Variants in ZC2HC1B observed in about 807,000 individuals in gnomAD.
The protein encoded by ZC2HC1B is zinc finger C2HC domain-containing protein 1B.
In ZC2HC1B, 36 loss-of-function variants were observed where a neutral mutation model predicts 31.0. That is an observed-to-expected ratio of 1.16 (90% CI 0.89 to 1.54). ZC2HC1B has a LOEUF of 1.54. ZC2HC1B is among the 40% of genes most tolerant of loss of function. The pLI is 0.00. For missense variants in ZC2HC1B, 260 were observed against 268.6 expected (o/e 0.97, Z 0.22); for synonymous variants, 73 against 88.0 (o/e 0.83, Z 0.95).
intron 5 of ZC2HC1B, among the ~76,000 whole-genome samples, chr6:143,898,897 A>G (rs1369881665): frequency 6.6e-6 from 1 of 152,222 alleles, no homozygotes; most frequent in Non-Finnish European, 1.5e-5. Context: ...TGTAGAAAAA[A>G]ATATTTCTAA....
At chr6:143,916,214 A>G (rs1777915247) in intron 6 of ZC2HC1B, among the ~76,000 whole-genome samples, 1 of 152,244 alleles carries the variant, frequency 6.6e-6, no homozygotes, top group South Asian at 2.1e-4. Flanking sequence ...CAGAGGGTGG[A>G]AGCCCCAAGC....
rs939798872 is a variant in ZC2HC1B at position 143,924,751 on chromosome 6, C to G, written c.599-12898C>G. ...TTGAATTTTATAAAATTCCTTTTCT[C>G]TGTCTCTTGAAATGATCATATTGTT... On this transcript the variant is annotated intron_variant, in intron 6 of 7. Coordinates refer to ENST00000237275, the MANE Select transcript of ZC2HC1B (RefSeq NM_001013623.3). This position sits in a 1 kb window ranked among gnomAD's most constrained non-coding sequence, Gnocchi z 5.2. 4.6e-5 allele frequency among the ~76,000 whole-genome samples: 7 copies of G among 152,116 alleles called. No individual in the cohort carries two copies. The highest frequency in any genetic ancestry group is 8.8e-5 in the Non-Finnish European group (6 of 68,026).
intron 6 of ZC2HC1B, among the ~76,000 whole-genome samples, chr6:143,909,285 T>A (rs139407422): frequency 1.0e-3 from 158 of 152,136 alleles, no homozygotes; most frequent in African/African-American, 3.8e-3. Context: ...TAATCCCAGC[T>A]ACTCAGGAGG....
In ZC2HC1B at chr6:143,933,637, C is replaced by T. The variant is rs2128498010; in HGVS notation, c.599-4012C>T. 6.6e-6 allele frequency among the ~76,000 whole-genome samples: 1 copy of T among 152,280 alleles called. No homozygotes were observed. The highest frequency in any genetic ancestry group is 3.4e-3 in the Middle Eastern group (1 of 294). On this transcript the variant is annotated intron_variant, in intron 6 of 7. Coordinates refer to ENST00000237275, the MANE Select transcript of ZC2HC1B (RefSeq NM_001013623.3). The surrounding 1 kb of genome is among the most constrained non-coding windows in gnomAD (Gnocchi z 6.4). Reference sequence around the variant, plus strand: ...GCTGGTAGCAACAGGCCTCACCCAGCTCCCACACAGTTGGCAAGGCCAGTC... The same window carrying T: ...GCTGGTAGCAACAGGCCTCACCCAGTTCCCACACAGTTGGCAAGGCCAGTC...
chr6:143,907,712 C>A (rs184918329), intron 6 of ZC2HC1B, among the ~76,000 whole-genome samples: 2 of 152,302 alleles, frequency 1.3e-5, no homozygotes, highest in South Asian at 2.1e-4. Flanking sequence ...AACATTTTCT[C>A]CCATTCTGTA....
Position 143,870,057 on chromosome 6 carries a change from C to T in ZC2HC1B, c.28+5490C>T, listed in dbSNP as rs573370394. Among the ~76,000 whole-genome samples, 4 of 152,312 alleles carry T rather than the reference C, an allele frequency of 2.6e-5. No individual in the cohort carries two copies. In the South Asian group the frequency reaches 6.2e-4, roughly 24 times the overall value. ...AGAGAGGTCCATCCACATACCTCTT[C>T]CCCAAATTTCTTTGTCACCAATTTT... On this transcript the variant is annotated intron_variant, in intron 1 of 7. Coordinates refer to ENST00000237275, the MANE Select transcript of ZC2HC1B (RefSeq NM_001013623.3). This position sits in a 1 kb window ranked among gnomAD's most constrained non-coding sequence, Gnocchi z 4.7.
chr6:143,916,750 G>A (rs9496813), intron 6 of ZC2HC1B, among the ~76,000 whole-genome samples: 1 of 152,172 alleles, frequency 6.6e-6, no homozygotes, highest in Admixed American at 6.5e-5. Flanking sequence ...TAGCCCCTTT[G>A]TTTGGCCAAT....
intron 4 of ZC2HC1B, among the ~76,000 whole-genome samples, chr6:143,896,366 G>A (rs749595674): frequency 1.4e-4 from 22 of 152,124 alleles, no homozygotes; most frequent in Non-Finnish European, 3.1e-4. Flanking sequence ...ATGTGAGTAG[G>A]GTTTATGGTT....
chr6:143,890,988 G>C (rs575698510), intron 4 of ZC2HC1B, among the ~76,000 whole-genome samples: 1 of 151,664 alleles, frequency 6.6e-6, no homozygotes. Flanking sequence ...AAAATTAGCC[G>C]GGTGCAGTGG....
rs936623065 is a variant in ZC2HC1B at position 143,869,535 on chromosome 6, ATAAGGCATGC to A, written c.28+4971_28+4980del. 2.4e-4 allele frequency among the ~76,000 whole-genome samples: 37 copies of A among 152,324 alleles called. 1 individual carries two copies. Among genetic ancestry groups the A allele is most frequent in the African/African-American group, 7.2e-4 (30 of 41,584 alleles). ...GCTGTGTGGAATACCATGACAGTGG[ATAAGGCATGC>A]TATGAGTCCATGGATGGTAGTCTTG... On this transcript the variant is annotated intron_variant, in intron 1 of 7. Coordinates refer to ENST00000237275, the MANE Select transcript of ZC2HC1B (RefSeq NM_001013623.3). This position sits in a 1 kb window ranked among gnomAD's most constrained non-coding sequence, Gnocchi z 5.2.
In ZC2HC1B at chr6:143,917,487, T is replaced by C. The variant is rs1459978683; in HGVS notation, c.598+14335T>C. Among the ~76,000 whole-genome samples the C allele has an allele frequency of 6.6e-6, 1 of 152,266 alleles. No individual in the cohort carries two copies. The highest frequency in any genetic ancestry group is 1.5e-5 in the Non-Finnish European group (1 of 68,050). On this transcript the variant is annotated intron_variant, in intron 6 of 7. Transcript: ENST00000237275. The surrounding 1 kb of genome is among the most constrained non-coding windows in gnomAD (Gnocchi z 4.1). ...TTAACTTCCTAATGTTATCACATTC[T>C]CATTTGAATTTATTCCAGCTTATCT...
chr6:143,893,520 T>C (rs1484473784), intron 4 of ZC2HC1B, among the ~76,000 whole-genome samples: 2 of 152,002 alleles, frequency 1.3e-5, no homozygotes, highest in Non-Finnish European at 2.9e-5. Flanking sequence ...TGAGCAGAGA[T>C]TGTGCTAATG....
chr6:143,916,696 A>C (rs1777920725), intron 6 of ZC2HC1B, among the ~76,000 whole-genome samples: 1 of 152,206 alleles, frequency 6.6e-6, no homozygotes, highest in Non-Finnish European at 1.5e-5. Flanking sequence ...TTGGAGCTTC[A>C]AGATTTGACT....
chr6:143,897,921 A>G (rs1777686466), intron 4 of ZC2HC1B, among the ~76,000 whole-genome samples: 1 of 152,200 alleles, frequency 6.6e-6, no homozygotes. Context: ...TTCTAGAACT[A>G]CTTTCTTTAC....
intron 6 of ZC2HC1B, among the ~76,000 whole-genome samples, chr6:143,928,836 G>A (rs112145311): frequency 1.1e-5 from 1 of 94,888 alleles, no homozygotes; most frequent in South Asian, 3.6e-4. Flanking sequence ...TTTTTTTTTT[G>A]TTCTTTTTTT....
At chr6:143,867,599 G>A (rs1038490120) in intron 1 of ZC2HC1B, among the ~76,000 whole-genome samples, 2 of 152,332 alleles carry the variant, frequency 1.3e-5, no homozygotes, top group East Asian at 3.9e-4. Context: ...CCTATGGGGT[G>A]AAATGAGTGT....
intron 4 of ZC2HC1B, among the ~76,000 whole-genome samples, chr6:143,896,819 A>AT (rs1211378305): frequency 2.6e-5 from 4 of 152,184 alleles, no homozygotes; most frequent in Non-Finnish European, 5.9e-5. Context: ...TGGGCTTTTT[A>AT]TCATTTCCCA....
intron 6 of ZC2HC1B, among the ~76,000 whole-genome samples, chr6:143,920,173 G>GA (rs1052672158): frequency 1.3e-5 from 2 of 151,594 alleles, no homozygotes; most frequent in African/African-American, 4.8e-5. Context: ...GCTTAAAGGA[G>GA]AAAAAAACAC....
chr6:143,871,305 G>A lies in ZC2HC1B; in HGVS notation c.28+6738G>A, dbSNP rs113935547. On this transcript the variant is annotated intron_variant, in intron 1 of 7. Transcript: ENST00000237275. This position sits in a 1 kb window ranked among gnomAD's most constrained non-coding sequence, Gnocchi z 4.1. Reference sequence around the variant, plus strand: ...CTTGTGGAAGCAAAAAGTGATCAAGGTCTCTCTGAATAAGATTATGACACA... The same window carrying A: ...CTTGTGGAAGCAAAAAGTGATCAAGATCTCTCTGAATAAGATTATGACACA... Among the ~76,000 whole-genome samples, 17 of 152,288 alleles carry A rather than the reference G, an allele frequency of 1.1e-4. No individual in the cohort carries two copies. Among genetic ancestry groups the A allele is most frequent in the South Asian group, 8.3e-4 (4 of 4,822 alleles).
Sources: allele counts gnomAD v4.1 joint callset (sites outside exome capture counted in the v4.1 genomes callset), GRCh38; gene constraint gnomAD v4.1.1; non-coding constraint Gnocchi (gnomAD v3.1); transcripts MANE v1.5; gene names NCBI Gene and HGNC (gene_info 2026-07-23, HGNC 2026-07-21).